Variants in RSPRY1 observed in about 807,000 individuals in gnomAD.
RSPRY1 encodes RING finger and SPRY domain-containing protein 1.
Under a neutral mutation model 73.1 loss-of-function variants are expected in RSPRY1, and 23 were observed. The observed-to-expected ratio is 0.31, with a 90% CI of 0.23 to 0.45. RSPRY1 has a LOEUF of 0.45. RSPRY1 is among the 20% of genes least tolerant of loss of function. RSPRY1 has a pLI of 1.00. For synonymous variants in RSPRY1, 226 were observed against 251.4 expected (o/e 0.90, Z 0.95); for missense variants, 448 against 698.7 (o/e 0.64, Z 4.05).
At chr16:57,233,123 A>G (rs1478560816) in intron 13 of RSPRY1, among the ~76,000 whole-genome samples, 1 of 152,208 alleles carries the variant, frequency 6.6e-6, no homozygotes, top group Non-Finnish European at 1.5e-5. Context: ...TTCTGGCATC[A>G]GGGTAGGAGC....
At chr16:57,231,048 C>T in intron 12 of RSPRY1, 119 bp from the exon 13 acceptor site, 1 of 925,594 alleles carries the variant, frequency 1.1e-6, no homozygotes, top group Non-Finnish European at 1.6e-6. Context: ...CAGTCTGTCA[C>T]TCTTCCTTTC....
intron 14 of RSPRY1, among the ~76,000 whole-genome samples, chr16:57,236,895 G>A (rs57401562): frequency 0.09 from 13,695 of 152,102 alleles, 747 homozygotes; most frequent in East Asian, 0.23. Flanking sequence ...GGCTGGGCAC[G>A]GTGGCTCACA....
intron 11 of RSPRY1, 62 bp from the exon 12 acceptor site, chr16:57,230,648 GC>G (rs1268390185): frequency 1.1e-6 from 1 of 898,276 alleles, no homozygotes; most frequent in African/African-American, 1.6e-5. Context: ...CACTTGAGAT[GC>G]TTAGCAAAGA....
At chr16:57,202,396 A>G (rs1443494824) in intron 1 of RSPRY1, among the ~76,000 whole-genome samples, 2 of 152,148 alleles carry the variant, frequency 1.3e-5, no homozygotes, top group Admixed American at 1.3e-4. Context: ...AAACCAGCAT[A>G]ATTTATAAGA....
At chr16:57,214,153 A>G (rs865925007) in intron 6 of RSPRY1, among the ~76,000 whole-genome samples, 3 of 152,218 alleles carry the variant, frequency 2.0e-5, no homozygotes, top group Admixed American at 6.5e-5. Flanking sequence ...CCCAACCAGC[A>G]AAAACAGCTG....
intron 6 of RSPRY1, among the ~76,000 whole-genome samples, chr16:57,215,693 A>G (rs775694612): frequency 1.3e-5 from 2 of 152,228 alleles, no homozygotes; most frequent in Admixed American, 1.3e-4. Context: ...CTTGTTAGTG[A>G]TAAGTGGTTC....
At chr16:57,221,451 T>G in intron 10 of RSPRY1, 36 bp downstream of exon 10, 1 of 1,568,034 alleles carries the variant, frequency 6.4e-7, no homozygotes, top group African/African-American at 1.4e-5. Flanking sequence ...ATGGGAGCAG[T>G]GGCAGTTTGC....
At position 57,223,204 on chromosome 16, in the gene RSPRY1, A is replaced by G. The variant is rs186775832; in HGVS notation, c.1161+1789A>G. 2.0e-5 allele frequency among the ~76,000 whole-genome samples: 3 copies of G among 152,310 alleles called. No homozygotes were observed. The East Asian group carries it at 5.8e-4, about 29-fold the overall frequency. ...CTGGTGATTCTGAATCTTTTTGCCT[A>G]TTCAGACAGGGTGTGATTCTATGGA... On this transcript the variant is annotated intron_variant, in intron 10 of 14. Coordinates refer to ENST00000394420, the MANE Select transcript of RSPRY1 (RefSeq NM_133368.3).
intron 11 of RSPRY1, among the ~76,000 whole-genome samples, chr16:57,228,217 G>T (rs557523775): frequency 1.4e-5 from 2 of 145,308 alleles, no homozygotes; most frequent in African/African-American, 5.1e-5. Flanking sequence ...AGGTTGCAAT[G>T]AGCCGAGGTT....
intron 10 of RSPRY1, among the ~76,000 whole-genome samples, chr16:57,224,957 C>T (rs1257011468): frequency 6.6e-6 from 1 of 152,206 alleles, no homozygotes; most frequent in African/African-American, 2.4e-5. Flanking sequence ...TTTACTTATG[C>T]CACAATGCCT....
At chr16:57,194,935 T>C (rs2074412944) in intron 1 of RSPRY1, among the ~76,000 whole-genome samples, 1 of 152,096 alleles carries the variant, frequency 6.6e-6, no homozygotes, top group African/African-American at 2.4e-5. Context: ...CTTACTGCTT[T>C]AACACCAAGC....
At chr16:57,237,025 G>A (rs1161555979) in intron 14 of RSPRY1, among the ~76,000 whole-genome samples, 1 of 151,998 alleles carries the variant, frequency 6.6e-6, no homozygotes, top group South Asian at 2.1e-4. Context: ...AAAATTACCC[G>A]GGCGTGGTGG....
chr16:57,205,606 T>C (rs2074710162), intron 2 of RSPRY1, among the ~76,000 whole-genome samples: 1 of 152,208 alleles, frequency 6.6e-6, no homozygotes, highest in South Asian at 2.1e-4. Context: ...ATAGATTGAA[T>C]AACAGTGAAA....
At chr16:57,195,493 T>C (rs1344009116) in intron 1 of RSPRY1, among the ~76,000 whole-genome samples, 1 of 151,930 alleles carries the variant, frequency 6.6e-6, no homozygotes, top group African/African-American at 2.4e-5. Context: ...GTCTGGGCAA[T>C]GAGAGTGGAA....
At chr16:57,200,339 C>T (rs1490463388) in intron 1 of RSPRY1, among the ~76,000 whole-genome samples, 1 of 151,936 alleles carries the variant, frequency 6.6e-6, no homozygotes, top group Non-Finnish European at 1.5e-5. Flanking sequence ...TCCGATTTCT[C>T]AATCTTTTCC....
chr16:57,220,662 A>C, intron 8 of RSPRY1, 70 bp from the exon 9 acceptor site: 1 of 904,674 alleles, frequency 1.1e-6, no homozygotes, highest in South Asian at 1.4e-5. Context: ...TGATTGCTGT[A>C]GCTGGCACTA....
At chr16:57,238,104 G>A (rs1472873757) in intron 14 of RSPRY1, among the ~76,000 whole-genome samples, 1 of 151,970 alleles carries the variant, frequency 6.6e-6, no homozygotes, top group African/African-American at 2.4e-5. Flanking sequence ...AAAAAAAAAA[G>A]TGCTATCTAA....
At chr16:57,208,802 G>C (rs1464128955) in intron 3 of RSPRY1, among the ~76,000 whole-genome samples, 8 of 152,098 alleles carry the variant, frequency 5.3e-5, no homozygotes, top group Non-Finnish European at 2.9e-5. Context: ...TAGTAAATAA[G>C]ATGCTTAAAA....
At chr16:57,219,731 C>G (rs2075004598) in intron 8 of RSPRY1, 1 of 152,146 alleles carries the variant, frequency 6.6e-6, no homozygotes, top group Non-Finnish European at 1.5e-5. Context: ...AATCTTTGCC[C>G]AGATCAGTGT....
Sources: allele counts gnomAD v4.1 joint callset (sites outside exome capture counted in the v4.1 genomes callset), GRCh38; gene constraint gnomAD v4.1.1; transcripts MANE v1.5; gene names NCBI Gene and HGNC (gene_info 2026-07-23, HGNC 2026-07-21).